The following CSMD1 variants were observed in gnomAD, a reference collection of about 807,000 sequenced individuals.
CSMD1 encodes CUB and Sushi multiple domains 1, also known as CUB and sushi domain-containing protein 1.
A neutral mutation model predicts 417.5 loss-of-function variants in CSMD1; 213 were observed. The observed-to-expected ratio is 0.51, with a 90% CI of 0.46 to 0.57. The LOEUF (loss-of-function observed/expected upper bound fraction) is 0.57. Among genes scored for constraint, CSMD1 ranks in the 20% least tolerant of loss-of-function variants. The probability of loss-of-function intolerance (pLI) is 0.00; values close to 1 mark genes in which losing one functional copy is unlikely to be tolerated. For missense variants in CSMD1, 6,923 were observed against 4,529.7 expected, an observed-to-expected ratio of 1.53 and a Z score of -15.17; for synonymous variants, 2,862 against 1,736.8, an observed-to-expected ratio of 1.65 and a Z score of -16.11.
chr8:4,514,040 C>G (rs1802974620), intron 2 of CSMD1, among the ~76,000 whole-genome samples: 1 of 152,140 alleles, frequency 6.6e-6, no homozygotes, highest in African/African-American at 2.4e-5. Context: ...TGAAATACCA[C>G]AAACTAGGTA....
chr8:3,798,027 G>A (rs74510627), intron 5 of CSMD1, among the ~76,000 whole-genome samples: 4,550 of 151,982 alleles, frequency 0.03, 174 homozygotes, highest in African/African-American at 0.084. Context: ...AACTTTTCAG[G>A]TGCTTTTTTG....
intron 2 of CSMD1, among the ~76,000 whole-genome samples, chr8:4,569,386 T>C (rs553127849): frequency 1.8e-4 from 27 of 152,324 alleles, no homozygotes; most frequent in Admixed American, 7.2e-4. Flanking sequence ...CCCAACACCA[T>C]GTATTAAATA....
At chr8:3,656,112 G>C (rs894161361) in intron 7 of CSMD1, among the ~76,000 whole-genome samples, 4 of 152,166 alleles carry the variant, frequency 2.6e-5, no homozygotes, top group Non-Finnish European at 2.9e-5. Context: ...GAAGATCATG[G>C]GGTGCGCAGT....
intron 1 of CSMD1, among the ~76,000 whole-genome samples, chr8:4,900,111 C>A (rs180985489): frequency 6.6e-6 from 1 of 152,230 alleles, no homozygotes; most frequent in East Asian, 1.9e-4. Flanking sequence ...TTCCACCTTC[C>A]CATGCCTGGC....
intron 1 of CSMD1, among the ~76,000 whole-genome samples, chr8:4,804,012 T>C (rs17071414): frequency 0.055 from 8,442 of 152,230 alleles, 387 homozygotes; most frequent in East Asian, 0.23. Context: ...TACTCACATA[T>C]TGGAAAGCCA....
intron 5 of CSMD1, among the ~76,000 whole-genome samples, chr8:3,813,317 T>C (rs1373389424): frequency 3.9e-5 from 6 of 152,134 alleles, no homozygotes; most frequent in Non-Finnish European, 8.8e-5. Flanking sequence ...TGCTAAGATA[T>C]CATATGATCT....
chr8:4,448,764 T>C (rs1246890195), intron 2 of CSMD1, among the ~76,000 whole-genome samples: 1 of 152,182 alleles, frequency 6.6e-6, no homozygotes, highest in Non-Finnish European at 1.5e-5. Flanking sequence ...ATGACAACCA[T>C]ATTTAAGGCT....
intron 5 of CSMD1, among the ~76,000 whole-genome samples, chr8:3,854,195 T>G (rs1804131841): frequency 6.7e-6 from 1 of 148,862 alleles, no homozygotes; most frequent in Non-Finnish European, 1.5e-5. Flanking sequence ...ATGGACCAAT[T>G]CTCATGCTTT....
At chr8:3,604,607 A>G (rs554791599) in intron 8 of CSMD1, among the ~76,000 whole-genome samples, 2 of 152,224 alleles carry the variant, frequency 1.3e-5, no homozygotes, top group Non-Finnish European at 2.9e-5. Context: ...AATGATGACA[A>G]ATAAAATAGT....
rs909045723 is a variant in CSMD1, at chr8:4,534,994, C to T, written c.302+102348G>A. 2.6e-5 allele frequency among the ~76,000 whole-genome samples: 4 copies of T among 152,300 alleles called. No individual in the cohort carries two copies. In the East Asian group the frequency reaches 5.8e-4, roughly 22 times the overall value. On this transcript the variant is annotated intron_variant, in intron 2 of 69. Transcript: ENST00000635120. ...GCCAGGATGGTCTCGATTTCCTGAC[C>T]TCGTGATCTGCCTGCCTCAGCCTCC...
At chr8:4,088,363 G>A (rs1800532323) in intron 3 of CSMD1, among the ~76,000 whole-genome samples, 2 of 152,214 alleles carry the variant, frequency 1.3e-5, no homozygotes, top group Middle Eastern at 3.2e-3. Flanking sequence ...AGACGGAAAC[G>A]TCTTACTTTT....
intron 10 of CSMD1, among the ~76,000 whole-genome samples, chr8:3,498,094 CTTT>C (rs1033622307): frequency 4.6e-5 from 7 of 151,454 alleles, no homozygotes; most frequent in African/African-American, 1.5e-4. Context: ...ATTTCTTCTT[CTTT>C]TTTCTTTCAG....
At chr8:3,069,261 C>A (rs1813164207) in intron 49 of CSMD1, among the ~76,000 whole-genome samples, 1 of 151,700 alleles carries the variant, frequency 6.6e-6, no homozygotes, top group Admixed American at 6.6e-5. Flanking sequence ...TGGTGAACAC[C>A]CTGTCGCTAC....
chr8:4,060,610 C>A (rs569365174), intron 3 of CSMD1, among the ~76,000 whole-genome samples: 6 of 152,238 alleles, frequency 3.9e-5, no homozygotes, highest in Non-Finnish European at 8.8e-5. Flanking sequence ...ACTGTCCCAG[C>A]CACCTTAGCG....
chr8:3,862,192 C>A (rs1198016996), intron 5 of CSMD1, among the ~76,000 whole-genome samples: 1 of 152,220 alleles, frequency 6.6e-6, no homozygotes, highest in Non-Finnish European at 1.5e-5. Context: ...GCAGGTTTTT[C>A]TAACTCTTTT....
At position 4,171,176 on chromosome 8, in the gene CSMD1, C is replaced by G. The variant is rs77251667; in HGVS notation, c.416-139077G>C. On this transcript the variant is annotated intron_variant, in intron 3 of 69. Coordinates refer to ENST00000635120, the MANE Select transcript of CSMD1 (RefSeq NM_033225.6). Reference sequence around the variant, plus strand: ...CCCATGCTGTTAGTTTCCTCTGGATCAAATATCCATCACCATCACAGACCT... The same window carrying G: ...CCCATGCTGTTAGTTTCCTCTGGATGAAATATCCATCACCATCACAGACCT... 3.3e-4 allele frequency among the ~76,000 whole-genome samples: 50 copies of G among 151,968 alleles called. 1 individual carries two copies. The East Asian group carries it at 5.4e-3, about 16-fold the overall frequency.
At chr8:3,267,949 T>C (rs577988590) in intron 26 of CSMD1, among the ~76,000 whole-genome samples, 57 of 152,216 alleles carry the variant, frequency 3.7e-4, no homozygotes, top group African/African-American at 1.3e-3. Context: ...ATGAGGATTA[T>C]GCCAGAGGGG....
At chr8:4,335,550 A>G (rs1342846299) in intron 3 of CSMD1, among the ~76,000 whole-genome samples, 1 of 152,142 alleles carries the variant, frequency 6.6e-6, no homozygotes, top group Non-Finnish European at 1.5e-5. Context: ...CATCTAAATT[A>G]GCTTAAAACC....
intron 3 of CSMD1, among the ~76,000 whole-genome samples, chr8:4,215,865 A>G (rs983717792): frequency 6.6e-6 from 1 of 152,238 alleles, no homozygotes; most frequent in Non-Finnish European, 1.5e-5. Flanking sequence ...GATTAATTCT[A>G]TGATGTTAAG....
Sources: gnomAD v4.1 joint callset for allele counts (sites outside exome capture counted in the v4.1 genomes callset) on GRCh38, gnomAD v4.1.1 for gene constraint, MANE v1.5 for transcripts, NCBI Gene and HGNC (gene_info 2026-07-23, HGNC 2026-07-21) for gene names.